Variants in LRRK1 observed in about 807,000 individuals in gnomAD.
LRRK1 encodes leucine-rich repeat serine/threonine-protein kinase 1.
LRRK1 carries 113 observed loss-of-function variants against 209.1 expected under a neutral mutation model. The observed-to-expected ratio is 0.54, with a 90% confidence interval of 0.46 to 0.63. The LOEUF is 0.63. Among genes scored for constraint, LRRK1 ranks in the 30% least tolerant of loss-of-function variants. The pLI is 0.00. For synonymous variants in LRRK1, 1,144 were observed against 1,099.7 expected (o/e 1.04, Z -0.80); for missense variants, 2,284 against 2,632.2 (o/e 0.87, Z 2.89).
At chr15:101,011,594 G>GTGTC (rs1295177378) in intron 9 of LRRK1, among the ~76,000 whole-genome samples, 1 of 151,832 alleles carries the variant, frequency 6.6e-6, no homozygotes, top group African/African-American at 2.4e-5. Context: ...ATGTGTGTGT[G>GTGTC]TGTGTGTGCA....
chr15:100,973,911 G>T lies in LRRK1; in HGVS notation c.205G>T (p.Gly69Cys). ...RAAYRRGDRG[G>C]ARDLLEEACD... is the part of the protein sequence containing the mutation. ...CGCGTACAGGCGGGGAGACCGCGGC[G>T]GCGCCCGGGACCTGCTGGAGGAGGC... Residue 69 changes from glycine (G) to cysteine (C), a missense_variant, in exon 3 of 34, where the codon GGC (glycine) becomes TGC (cysteine). Around this residue, in one of 6 missense-constraint regions of LRRK1, gnomAD observed 174 missense variants for 133.5 expected, o/e 1.30. Transcript: ENST00000388948. The T allele has an allele frequency of 1.6e-6, 2 of 1,267,644 alleles. No individual in the cohort carries two copies. The highest frequency in any genetic ancestry group is 2.9e-5 in the South Asian group (1 of 35,072). 78.5% of individuals were successfully genotyped at this position (1,267,644 alleles called of 1,614,324 possible).
At chr15:101,061,330 C>A (rs1257500945) in intron 30 of LRRK1, 42 bp downstream of exon 30, 3 of 1,398,190 alleles carry the variant, frequency 2.1e-6, no homozygotes, top group Admixed American at 3.4e-5. Flanking sequence ...GTAAGCACTG[C>A]CCACTGGGTG....
Position 100,941,394 on chromosome 15 carries a change from G to GTGTGTCTGTGTGTGTCTC in LRRK1, c.97+16671_97+16688dup, listed in dbSNP as rs1567190921. On this transcript the variant is annotated intron_variant, in intron 2 of 33. Coordinates refer to ENST00000388948, the MANE Select transcript of LRRK1 (RefSeq NM_024652.6). The stretch of plus-strand genomic sequence containing the variant: ...TGTATGTGTGTGTCTGTGTCTCTGT[G>GTGTGTCTGTGTGTGTCTC]TGTGTCTGTGTGTGTCTCTGTGTGT... Among the ~76,000 whole-genome samples the GTGTGTCTGTGTGTGTCTC allele has an allele frequency of 1.4e-5, 2 of 145,878 alleles. 1 individual carries two copies. The highest frequency in any genetic ancestry group is 3.0e-5 in the Non-Finnish European group (2 of 67,288).
At chr15:100,941,304 G>GTGTGTGTGTCTGTGTCTC (rs68000587) in intron 2 of LRRK1, among the ~76,000 whole-genome samples, 43,990 of 114,128 alleles carry the variant, frequency 0.39, 10,479 homozygotes, top group African/African-American at 0.65. Context: ...GTGTGTCTAT[G>GTGTGTGTGTCTGTGTCTC]TGTGTGTGTC....
chr15:101,033,885 A>G (rs1172515489), intron 20 of LRRK1, among the ~76,000 whole-genome samples: 3 of 152,188 alleles, frequency 2.0e-5, no homozygotes, highest in African/African-American at 4.8e-5. Flanking sequence ...TACAGCCAAC[A>G]GCGTATAAGA....
intron 2 of LRRK1, among the ~76,000 whole-genome samples, chr15:100,956,455 C>CTTTTTTTTTTTTTTTTTTTTT (rs776326423): frequency 5.1e-4 from 31 of 60,510 alleles, no homozygotes; most frequent in African/African-American, 1.3e-3. Context: ...TTTTTTTTTT[C>CTTTTTTTTTTTTTTTTTTTTT]TTTTTTTTTT....
chr15:100,984,851 A>C (rs1040150263), intron 4 of LRRK1, among the ~76,000 whole-genome samples: 1 of 151,944 alleles, frequency 6.6e-6, no homozygotes, highest in Non-Finnish European at 1.5e-5. Context: ...GGTGAGGCAC[A>C]CCCTAGCCAT....
At position 101,062,248 on chromosome 15, in the gene LRRK1, C is replaced by T. The variant is rs547821889; in HGVS notation, c.4798-326C>T. ...GAACAGTGAGAAGACAGCATTGCGG[C>T]GTGAGTCCACTTTGCCAGTACCAGG... is the stretch of plus-strand genomic sequence containing the variant. On this transcript the variant is annotated intron_variant, in intron 30 of 33. Coordinates refer to ENST00000388948, the MANE Select transcript of LRRK1 (RefSeq NM_024652.6). 5 of 252,274 alleles carry T rather than the reference C, an allele frequency of 2.0e-5. No individual in the cohort carries two copies. In the South Asian group the frequency reaches 3.1e-4, roughly 15 times the overall value. 15.6% of individuals were successfully genotyped at this position (252,274 alleles called of 1,614,324 possible).
intron 29 of LRRK1, among the ~76,000 whole-genome samples, chr15:101,059,956 G>A (rs759009364): frequency 5.9e-5 from 9 of 152,276 alleles, no homozygotes; most frequent in East Asian, 5.8e-4. Context: ...AGGCTGGGCC[G>A]GGCCCTGCCC....
chr15:100,926,702 T>TTTTTTTTTTTTTG (rs2042121924), intron 2 of LRRK1, among the ~76,000 whole-genome samples: 1 of 102,784 alleles, frequency 9.7e-6, no homozygotes, highest in Non-Finnish European at 1.9e-5. Flanking sequence ...TTTTTTTTTT[T>TTTTTTTTTTTTTG]GAGACAGTGT....
intron 15 of LRRK1, among the ~76,000 whole-genome samples, chr15:101,023,947 C>G (rs1395409826): frequency 1.3e-5 from 2 of 152,220 alleles, no homozygotes; most frequent in African/African-American, 4.8e-5. Flanking sequence ...TTGCCTTTTT[C>G]TTAACAGTTA....
At position 101,010,806 on chromosome 15, in the gene LRRK1, A is replaced by G; in HGVS notation, c.1250A>G (p.Lys417Arg). 6.2e-7 allele frequency: 1 copy of G among 1,613,804 alleles called. No homozygotes were observed. The highest frequency in any genetic ancestry group is 2.2e-5 in the East Asian group (1 of 44,880). The change falls in exon 9 of 34, where the codon AAG becomes AGG. Residue 417 changes from lysine to arginine, a missense_variant. By Grantham distance (26) the Lys-to-Arg change is conservative. This residue lies in a region of LRRK1 where 494 missense variants were observed against 522.1 expected (regional missense o/e 0.95). Transcript: ENST00000388948. The part of the protein sequence containing the change: ...NSLNVSRNNL[K>R]VFPDPWACPL... ...CTGAATGTCTCCAGAAACAACCTGA[A>G]GGTGTTTCCAGATCCCTGGGCCTGC... is the stretch of plus-strand genomic sequence containing the variant.
At chr15:101,066,321 G>A (rs1483929022) in intron 32 of LRRK1, 116 bp downstream of exon 32, 3 of 1,372,514 alleles carry the variant, frequency 2.2e-6, no homozygotes, top group East Asian at 4.6e-5. Context: ...GGCAGGTGCT[G>A]TTCTTCCAAG....
rs145886345 is a variant in LRRK1, at chr15:100,946,617, C to T, written c.97+21888C>T. Reference sequence around the variant, plus strand: ...GCAACTCAGCTATACAGGCAGTCTCCTCTTCACGGGCATTTGGGCGATTCC... The same window carrying T: ...GCAACTCAGCTATACAGGCAGTCTCTTCTTCACGGGCATTTGGGCGATTCC... On this transcript the variant is annotated intron_variant, in intron 2 of 33. Transcript: ENST00000388948. Among the ~76,000 whole-genome samples, 1,280 of 152,310 alleles carry T rather than the reference C, an allele frequency of 8.4e-3. 19 individuals carry two copies. Among genetic ancestry groups the T allele is most frequent in the African/African-American group, 0.027 (1,118 of 41,562 alleles).
intron 20 of LRRK1, among the ~76,000 whole-genome samples, chr15:101,045,285 G>A (rs542317188): frequency 7.2e-5 from 11 of 152,322 alleles, no homozygotes; most frequent in Admixed American, 5.2e-4. Flanking sequence ...ACCAGGGGCC[G>A]TCCTGTACCT....
Position 101,022,282 on chromosome 15 carries a change from TA to T in LRRK1, c.1853-97del. ...AGTAGTCTTCCTTAACTGTCCCCACTAAAACACAAAGAAGGAGTTCCTTCAC... is the reference window on the plus strand; with the variant it reads ...AGTAGTCTTCCTTAACTGTCCCCACTAAACACAAAGAAGGAGTTCCTTCAC... On this transcript the variant is annotated intron_variant, in intron 14 of 33. Coordinates refer to ENST00000388948, the MANE Select transcript of LRRK1 (RefSeq NM_024652.6). The surrounding 1 kb of genome is among the most constrained non-coding windows in gnomAD (Gnocchi z 4.0). The T allele has an allele frequency of 8.5e-7, 1 of 1,180,214 alleles. No individual in the cohort carries two copies. The highest frequency in any genetic ancestry group is 1.2e-6 in the Non-Finnish European group (1 of 804,098). 73.1% of individuals were successfully genotyped at this position (1,180,214 alleles called of 1,614,324 possible). A position where few individuals can be genotyped will look rare whatever the true frequency, so the allele number is the denominator to read the frequency against.
chr15:101,006,335 G>A (rs1449093222), intron 6 of LRRK1, among the ~76,000 whole-genome samples: 1 of 148,478 alleles, frequency 6.7e-6, no homozygotes, highest in Non-Finnish European at 1.5e-5. Flanking sequence ...CGATGAAGAG[G>A]CTAAAAGTTG....
chr15:100,940,077 C>G (rs1174796387), intron 2 of LRRK1, among the ~76,000 whole-genome samples: 1 of 152,162 alleles, frequency 6.6e-6, no homozygotes. Context: ...TATCCTGCCC[C>G]GGATGCACGA....
At chr15:100,920,966 T>A (rs1469095790) in intron 1 of LRRK1, among the ~76,000 whole-genome samples, 1 of 152,142 alleles carries the variant, frequency 6.6e-6, no homozygotes, top group Non-Finnish European at 1.5e-5. Context: ...CCTGCACTGC[T>A]GCCTCCTGAC....
Sources: allele counts gnomAD v4.1 joint callset (sites outside exome capture counted in the v4.1 genomes callset), GRCh38; gene constraint gnomAD v4.1.1; regional missense constraint gnomAD v4.1.1; non-coding constraint Gnocchi (gnomAD v3.1); transcripts MANE v1.5; gene names NCBI Gene and HGNC (gene_info 2026-07-23, HGNC 2026-07-21).